The following STK10 variants were observed in gnomAD, a reference collection of about 807,000 sequenced individuals.
STK10 encodes the protein serine/threonine-protein kinase 10.
Under a neutral mutation model 113.8 loss-of-function variants are expected in STK10, and 78 were observed. The ratio of observed to expected loss-of-function variants is 0.69; its 90% confidence interval spans 0.57 to 0.83. The LOEUF (loss-of-function observed/expected upper bound fraction) is 0.83. STK10 is among the 40% of genes least tolerant of loss of function. The pLI is 0.00. For synonymous variants in STK10, 465 were observed against 494.7 expected, an observed-to-expected ratio of 0.94 and a Z score of 0.80; for missense variants, 1,109 against 1,280.1, an observed-to-expected ratio of 0.87 and a Z score of 2.04.
intron 7 of STK10, among the ~76,000 whole-genome samples, chr5:172,105,167 T>TCCCACC (rs1361172297): frequency 5.2e-5 from 1 of 19,186 alleles, no homozygotes; most frequent in Non-Finnish European, 1.2e-4. Context: ...CTCCCCCACC[T>TCCCACC]CCCACCCCCA....
chr5:172,109,661 C>T (rs189555439), intron 4 of STK10, among the ~76,000 whole-genome samples: 58 of 152,278 alleles, frequency 3.8e-4, no homozygotes, highest in Non-Finnish European at 6.6e-4. Context: ...CTCACACACC[C>T]GCTGCTAAGA....
At chr5:172,101,292 G>A (rs1768984100) in intron 7 of STK10, among the ~76,000 whole-genome samples, 1 of 151,818 alleles carries the variant, frequency 6.6e-6, no homozygotes, top group African/African-American at 2.4e-5. Flanking sequence ...CCAACATGGT[G>A]AAACCCCACC....
intron 10 of STK10, 139 bp downstream of exon 10, chr5:172,090,093 A>C: frequency 2.3e-6 from 3 of 1,289,392 alleles, no homozygotes; most frequent in Non-Finnish European, 3.2e-6. Flanking sequence ...GATCGCAGGC[A>C]AAATGAGTTT....
In STK10 at chr5:172,106,755, G is replaced by A. The variant is rs747925174; in HGVS notation, c.653C>T (p.Ala218Val). ...TMKDTPYDYK[A>V]DIWSLGITLI... ...CGTGATGCCCAGGGACCAGATGTCG[G>A]CTTTGTAGTCGTAGGGCGTGTCTTT... Residue 218 changes from alanine (A) to valine (V), a missense_variant, in exon 6 of 19, where the codon GCC (alanine) becomes GTC (valine). Ala to Val is a moderately conservative substitution (Grantham distance 64, BLOSUM62 0). Coordinates refer to ENST00000176763, the MANE Select transcript of STK10 (RefSeq NM_005990.4). The A allele has an allele frequency of 5.0e-6, 8 of 1,614,072 alleles. No homozygotes were observed. The highest frequency in any genetic ancestry group is 1.7e-5 in the Admixed American group (1 of 60,004).
chr5:172,071,805 T>C (rs1381148674), intron 12 of STK10, among the ~76,000 whole-genome samples: 2 of 152,212 alleles, frequency 1.3e-5, no homozygotes, highest in African/African-American at 4.8e-5. Flanking sequence ...GTCTATTCTA[T>C]ACCTAACTTT....
At chr5:172,164,468 T>C (rs1177976880) in intron 1 of STK10, among the ~76,000 whole-genome samples, 1 of 152,174 alleles carries the variant, frequency 6.6e-6, no homozygotes, top group Non-Finnish European at 1.5e-5. Flanking sequence ...CTTTATTTTA[T>C]ATATAAGAAA....
chr5:172,153,437 G>A (rs920661751), intron 2 of STK10, among the ~76,000 whole-genome samples: 16 of 152,182 alleles, frequency 1.1e-4, no homozygotes, highest in Non-Finnish European at 1.9e-4. Flanking sequence ...GTAGTGATAA[G>A]GAAGCACAGA....
At chr5:172,079,599 T>C (rs758146950) in intron 12 of STK10, among the ~76,000 whole-genome samples, 12 of 151,878 alleles carry the variant, frequency 7.9e-5, no homozygotes, top group Middle Eastern at 3.4e-3. Context: ...TTTGCTCTTG[T>C]TGCCCAGGCT....
At position 172,042,905 on chromosome 5, in the gene STK10, T is replaced by C. The variant is rs181900504; in HGVS notation, c.*1977A>G. 26 of 152,292 alleles carry C rather than the reference T, an allele frequency of 1.7e-4. No homozygotes were observed. Among genetic ancestry groups the C allele is most frequent in the African/African-American group, 6.3e-4 (26 of 41,564 alleles). The allele number at this position is 152,292 out of a possible 1,614,324, so 9.4% of individuals were successfully genotyped here. On this transcript the variant is annotated 3_prime_UTR_variant, in exon 19 of 19. Coordinates refer to ENST00000176763, the MANE Select transcript of STK10 (RefSeq NM_005990.4). ...CCCTCCCTTCCCAAGCATTCAGTTA[T>C]AACCAATGTTGAGAAAATTTCCAGG...
At position 172,095,543 on chromosome 5, in the gene STK10, C is replaced by T. The variant is rs76496067; in HGVS notation, c.1005+883G>A. On this transcript the variant is annotated intron_variant, in intron 8 of 18. Coordinates refer to ENST00000176763, the MANE Select transcript of STK10 (RefSeq NM_005990.4). Reference sequence around the variant, plus strand: ...AAGCTGGAGCTTGGTTACCCTGTGTCAGAGCTGTAGAGGGCCCGGCAGCCA... The same window carrying T: ...AAGCTGGAGCTTGGTTACCCTGTGTTAGAGCTGTAGAGGGCCCGGCAGCCA... 9.2e-3 allele frequency among the ~76,000 whole-genome samples: 1,396 copies of T among 152,354 alleles called. 20 individuals carry two copies. Among genetic ancestry groups the T allele is most frequent in the African/African-American group, 0.032 (1,340 of 41,568 alleles).
At chr5:172,050,435 T>C (rs1767603044) in intron 18 of STK10, among the ~76,000 whole-genome samples, 1 of 152,178 alleles carries the variant, frequency 6.6e-6, no homozygotes, top group Non-Finnish European at 1.5e-5. Context: ...GCATGTGTTA[T>C]AGTTCCAGCT....
At position 172,082,537 on chromosome 5, in the gene STK10, C is replaced by T. The variant is rs528460754; in HGVS notation, c.1810-32G>A. On this transcript the variant is annotated intron_variant, in intron 11 of 18. Coordinates refer to ENST00000176763, the MANE Select transcript of STK10 (RefSeq NM_005990.4). The surrounding 1 kb of genome is among the most constrained non-coding windows in gnomAD (Gnocchi z 4.3). ...GGAGCAGAAATTCTGAGAAACTTAG[C>T]GAAGTCACTTTATACCTGGGAGGGA... 8 of 1,546,968 alleles carry T rather than the reference C, an allele frequency of 5.2e-6. No individual in the cohort carries two copies. Among genetic ancestry groups the T allele is most frequent in the African/African-American group, 4.2e-5 (3 of 72,268 alleles).
intron 9 of STK10, among the ~76,000 whole-genome samples, 180 bp from the exon 10 acceptor site, chr5:172,090,542 T>C (rs1254078368): frequency 6.6e-6 from 1 of 152,108 alleles, no homozygotes; most frequent in Non-Finnish European, 1.5e-5. Flanking sequence ...TCTGAGCTTA[T>C]TCCCTTGCTC....
chr5:172,082,635 G>A lies in STK10; in HGVS notation c.1810-130C>T, dbSNP rs574719648. ...GCTTGAATCCCAGCTCTACTACCCCGTTGCTGTGTGACCTGGGGCAAGTTA... is the reference window on the plus strand; with the variant it reads ...GCTTGAATCCCAGCTCTACTACCCCATTGCTGTGTGACCTGGGGCAAGTTA... On this transcript the variant is annotated intron_variant, in intron 11 of 18. Coordinates refer to ENST00000176763, the MANE Select transcript of STK10 (RefSeq NM_005990.4). This position sits in a 1 kb window ranked among gnomAD's most constrained non-coding sequence, Gnocchi z 4.3. 2.1e-4 allele frequency: 262 copies of A among 1,226,476 alleles called. No homozygotes were observed. The highest frequency in any genetic ancestry group is 2.8e-4 in the Non-Finnish European group (252 of 905,760). The allele number at this position is 1,226,476 out of a possible 1,614,324, so 76.0% of individuals were successfully genotyped here.
At chr5:172,052,519 A>AG in intron 18 of STK10, among the ~76,000 whole-genome samples, 1 of 152,374 alleles carries the variant, frequency 6.6e-6, no homozygotes, top group East Asian at 1.9e-4. Context: ...AGTGTGTGGC[A>AG]GTTCATCACA....
chr5:172,096,663 T>C, intron 7 of STK10, 103 bp from the exon 8 acceptor site: 1 of 1,493,774 alleles, frequency 6.7e-7, no homozygotes. Flanking sequence ...CCAGCCTCAT[T>C]CCTGAGCAAA....
chr5:172,112,438 T>TCC (rs1191653084), intron 4 of STK10, among the ~76,000 whole-genome samples: 15 of 141,574 alleles, frequency 1.1e-4, no homozygotes, highest in African/African-American at 2.9e-4. Context: ...TTTTTTTTTT[T>TCC]TGAGACAGAG....
At chr5:172,103,090 A>G (rs1196846053) in intron 7 of STK10, among the ~76,000 whole-genome samples, 1 of 152,222 alleles carries the variant, frequency 6.6e-6, no homozygotes, top group African/African-American at 2.4e-5. Flanking sequence ...AGAGCCAGGC[A>G]CTTCTTGGAA....
At chr5:172,144,457 G>A (rs1281003079) in intron 2 of STK10, among the ~76,000 whole-genome samples, 4 of 152,178 alleles carry the variant, frequency 2.6e-5, no homozygotes, top group Admixed American at 6.5e-5. Context: ...GTCCCTGGAG[G>A]CAGACACCAA....
Sources: gnomAD v4.1 joint callset for allele counts (sites outside exome capture counted in the v4.1 genomes callset) on GRCh38, gnomAD v4.1.1 for gene constraint, Gnocchi (gnomAD v3.1) non-coding constraint, MANE v1.5 for transcripts, NCBI Gene and HGNC (gene_info 2026-07-23, HGNC 2026-07-21) for gene names.